The following GRAMD1B variants were observed in gnomAD, a reference collection of about 807,000 sequenced individuals.
GRAMD1B encodes protein Aster-B.
GRAMD1B carries 37 observed loss-of-function variants against 99.7 expected under a neutral mutation model. The ratio of observed to expected loss-of-function variants is 0.37; its 90% CI spans 0.29 to 0.49. GRAMD1B has a LOEUF of 0.49. GRAMD1B is among the 20% of genes least tolerant of loss of function. GRAMD1B has a pLI of 0.98. For synonymous variants in GRAMD1B, 427 were observed against 387.6 expected, an observed-to-expected ratio of 1.10 and a Z score of -1.19; for missense variants, 888 against 1,009.2, an observed-to-expected ratio of 0.88 and a Z score of 1.63.
chr11:123,608,258 A>G (rs1050603746), intron 11 of GRAMD1B: 52 of 535,392 alleles, frequency 9.7e-5, no homozygotes, highest in Non-Finnish European at 1.4e-4. Flanking sequence ...TACAACTACA[A>G]TTTGTTGTCG....
chr11:123,496,561 T>G (rs555261964), intron 2 of GRAMD1B, among the ~76,000 whole-genome samples: 2 of 151,888 alleles, frequency 1.3e-5, no homozygotes, highest in South Asian at 4.2e-4. Flanking sequence ...CCCTATCTCT[T>G]TCTGTAAGGC....
intron 2 of GRAMD1B, among the ~76,000 whole-genome samples, chr11:123,568,034 T>G (rs1459283938): frequency 2.6e-5 from 4 of 152,250 alleles, no homozygotes; most frequent in Non-Finnish European, 2.9e-5. Context: ...TTCTAGGTAT[T>G]AAATTAGTCA....
chr11:123,410,977 C>A (rs972247918), intron 1 of GRAMD1B, among the ~76,000 whole-genome samples: 5 of 151,978 alleles, frequency 3.3e-5, no homozygotes, highest in African/African-American at 1.2e-4. Context: ...CATCTCACTG[C>A]CTCATGGTTA....
intron 2 of GRAMD1B, chr11:123,560,512 T>C (rs535683035): frequency 7.9e-7 from 1 of 1,261,520 alleles, no homozygotes; most frequent in East Asian, 5.6e-5. Flanking sequence ...AACAGGGCTT[T>C]GGGATGGTCA....
At chr11:123,578,688 A>T (rs1949008215) in intron 3 of GRAMD1B, among the ~76,000 whole-genome samples, 1 of 152,152 alleles carries the variant, frequency 6.6e-6, no homozygotes, top group Admixed American at 6.5e-5. Flanking sequence ...TGCTCCCTGG[A>T]CACTGCCTCT....
intron 1 of GRAMD1B, among the ~76,000 whole-genome samples, chr11:123,375,774 G>A (rs563861549): frequency 3.5e-4 from 54 of 152,324 alleles, no homozygotes; most frequent in Non-Finnish European, 6.2e-4. Flanking sequence ...TACAAGGCAT[G>A]TCATGTTGTT....
At chr11:123,450,539 T>A (rs1035416887) in intron 1 of GRAMD1B, among the ~76,000 whole-genome samples, 2 of 152,208 alleles carry the variant, frequency 1.3e-5, no homozygotes, top group African/African-American at 4.8e-5. Flanking sequence ...TGGTCCCTAT[T>A]TGTTTAAAAG....
intron 1 of GRAMD1B, among the ~76,000 whole-genome samples, chr11:123,394,471 C>A (rs1947388179): frequency 1.3e-5 from 2 of 152,214 alleles, no homozygotes; most frequent in South Asian, 4.1e-4. Flanking sequence ...TTGCAGCCTC[C>A]TCCCAACACA....
At chr11:123,494,922 A>G (rs1476270259) in intron 2 of GRAMD1B, among the ~76,000 whole-genome samples, 1 of 152,132 alleles carries the variant, frequency 6.6e-6, no homozygotes, top group Non-Finnish European at 1.5e-5. Context: ...AGATGAAGTC[A>G]GGGGATAAAC....
intron 1 of GRAMD1B, among the ~76,000 whole-genome samples, chr11:123,464,732 G>T (rs1036548600): frequency 8.5e-5 from 13 of 152,306 alleles, no homozygotes; most frequent in African/African-American, 3.1e-4. Flanking sequence ...CTAGAGCAAG[G>T]ATAATAGGAA....
At chr11:123,600,802 C>T (rs1250478608) in intron 8 of GRAMD1B, among the ~76,000 whole-genome samples, 1 of 152,150 alleles carries the variant, frequency 6.6e-6, no homozygotes, top group East Asian at 1.9e-4. Context: ...TATGGTAATG[C>T]ATGCAGCCCT....
At chr11:123,511,510 G>C (rs1281115479) in intron 2 of GRAMD1B, among the ~76,000 whole-genome samples, 2 of 152,100 alleles carry the variant, frequency 1.3e-5, no homozygotes, top group Non-Finnish European at 2.9e-5. Flanking sequence ...TCCAGACAAG[G>C]AGTTAGAGCC....
In GRAMD1B at chr11:123,606,808, T is replaced by C; in HGVS notation, c.1513+10T>C. ...GACACACACGATGAAGGTGGGCATT[T>C]GAAAATGGGTCTGGAGTGGCCCTTG... On this transcript the variant is annotated intron_variant, in intron 11 of 19. Coordinates refer to ENST00000635736, the MANE Select transcript of GRAMD1B (RefSeq NM_001387025.1). 1.9e-6 allele frequency: 3 copies of C among 1,610,476 alleles called. No homozygotes were observed. Among genetic ancestry groups the C allele is most frequent in the Non-Finnish European group, 8.5e-7 (1 of 1,177,384 alleles).
intron 1 of GRAMD1B, among the ~76,000 whole-genome samples, chr11:123,399,674 A>G (rs1294272681): frequency 6.6e-6 from 1 of 152,056 alleles, no homozygotes; most frequent in Non-Finnish European, 1.5e-5. Context: ...CAGTGGCATG[A>G]TCTCGGCTCA....
intron 1 of GRAMD1B, among the ~76,000 whole-genome samples, chr11:123,438,266 C>A (rs1456631275): frequency 6.6e-6 from 1 of 152,194 alleles, no homozygotes; most frequent in East Asian, 1.9e-4. Context: ...CCTGGTCCAA[C>A]AGAAGCAAGG....
chr11:123,612,521 A>G (rs1953728088), intron 14 of GRAMD1B, among the ~76,000 whole-genome samples: 1 of 152,180 alleles, frequency 6.6e-6, no homozygotes, highest in Non-Finnish European at 1.5e-5. Context: ...TCAGAACCCT[A>G]GTTGTTAGCC....
chr11:123,358,766 G>A (rs1477925432), exon 1 of GRAMD1B: 2 of 152,642 alleles, frequency 1.3e-5, no homozygotes, highest in Non-Finnish European at 2.9e-5. Flanking sequence ...CCCGAACCGG[G>A]TGTCCACATG....
At chr11:123,440,369 G>A (rs1167440275) in intron 1 of GRAMD1B, among the ~76,000 whole-genome samples, 2 of 152,074 alleles carry the variant, frequency 1.3e-5, no homozygotes, top group Non-Finnish European at 2.9e-5. Context: ...AATTAGCCAG[G>A]CATGATGGTG....
intron 2 of GRAMD1B, among the ~76,000 whole-genome samples, chr11:123,530,243 G>C (rs528511338): frequency 6.6e-6 from 1 of 151,218 alleles, no homozygotes; most frequent in African/African-American, 2.4e-5. Flanking sequence ...ACCATTAATG[G>C]TCAACAATAT....
Sources: allele counts gnomAD v4.1 joint callset (sites outside exome capture counted in the v4.1 genomes callset), GRCh38; gene constraint gnomAD v4.1.1; transcripts MANE v1.5; gene names NCBI Gene and HGNC (gene_info 2026-07-23, HGNC 2026-07-21).